The following CELF4 variants were observed in gnomAD, a reference collection of about 807,000 sequenced individuals.
CELF4 encodes the protein CUG-BP- and ETR-3-like factor 4.
Under a neutral mutation model 59.9 loss-of-function variants are expected in CELF4, and 18 were observed. The observed-to-expected ratio is 0.30, with a 90% confidence interval of 0.21 to 0.45. The LOEUF (loss-of-function observed/expected upper bound fraction) is 0.45. CELF4 is among the 20% of genes least tolerant of loss of function. The probability of loss-of-function intolerance (pLI) is 1.00; values close to 1 mark genes in which losing one functional copy is unlikely to be tolerated. For synonymous variants in CELF4, 261 were observed against 267.1 expected, an observed-to-expected ratio of 0.98 and a Z score of 0.22; for missense variants, 456 against 689.0, an observed-to-expected ratio of 0.66 and a Z score of 3.79.
intron 10 of CELF4, 60 bp downstream of exon 10, chr18:37,264,614 G>A: frequency 7.0e-7 from 1 of 1,425,710 alleles, no homozygotes; most frequent in Non-Finnish European, 9.7e-7. Flanking sequence ...GCCCAGGTGA[G>A]CAGCCTCTTT....
chr18:37,457,960 G>A (rs983050844), intron 2 of CELF4, among the ~76,000 whole-genome samples: 5 of 152,174 alleles, frequency 3.3e-5, no homozygotes, highest in African/African-American at 9.7e-5. Context: ...AGGATGTGAC[G>A]AGCTGATTCA....
At chr18:37,498,492 C>T (rs2099927746) in intron 1 of CELF4, among the ~76,000 whole-genome samples, 1 of 147,062 alleles carries the variant, frequency 6.8e-6, no homozygotes, top group Non-Finnish European at 1.5e-5. Context: ...TCTTTATGTC[C>T]TTTCCATTGC....
intron 2 of CELF4, among the ~76,000 whole-genome samples, chr18:37,475,486 A>G (rs2099846274): frequency 4.6e-5 from 7 of 152,178 alleles, no homozygotes; most frequent in Admixed American, 4.6e-4. Context: ...GGCTCAGGCA[A>G]GGGCGAGATC....
chr18:37,559,265 C>T (rs531584971), intron 1 of CELF4, among the ~76,000 whole-genome samples: 3 of 152,250 alleles, frequency 2.0e-5, no homozygotes, highest in African/African-American at 7.2e-5. Context: ...AACATCATCT[C>T]CATGCCACTT....
chr18:37,552,231 GT>G lies in CELF4; in HGVS notation c.286+13124del, dbSNP rs2099983433. Among the ~76,000 whole-genome samples, 3 of 152,318 alleles carry G rather than the reference GT, an allele frequency of 2.0e-5. No homozygotes were observed. In the South Asian group the frequency reaches 6.2e-4, roughly 32 times the overall value. On this transcript the variant is annotated intron_variant, in intron 1 of 12. Transcript: ENST00000420428. Reference sequence around the variant, plus strand: ...AGTTATCTTGTGGCAGTGAAAGCGGGTCCCCCACCTTGTCGGAACAGAGCCT... The same window carrying G: ...AGTTATCTTGTGGCAGTGAAAGCGGGCCCCCACCTTGTCGGAACAGAGCCT...
At chr18:37,448,308 T>A (rs1449692865) in intron 2 of CELF4, among the ~76,000 whole-genome samples, 1 of 152,234 alleles carries the variant, frequency 6.6e-6, no homozygotes, top group Admixed American at 6.5e-5. Context: ...GCCAGGGCCC[T>A]GGGTGCTGGC....
intron 1 of CELF4, among the ~76,000 whole-genome samples, chr18:37,552,245 CG>C (rs1269547731): frequency 1.3e-5 from 2 of 152,220 alleles, no homozygotes; most frequent in Non-Finnish European, 2.9e-5. Context: ...CCCACCTTGT[CG>C]GAACAGAGCC....
At chr18:37,395,365 C>G (rs1008905512) in intron 2 of CELF4, among the ~76,000 whole-genome samples, 9 of 152,162 alleles carry the variant, frequency 5.9e-5, no homozygotes, top group Non-Finnish European at 1.2e-4. Context: ...AGGCCAGACA[C>G]GTTCCCTCCT....
intron 1 of CELF4, among the ~76,000 whole-genome samples, chr18:37,504,720 A>C (rs1386263219): frequency 6.6e-6 from 1 of 152,186 alleles, no homozygotes; most frequent in Non-Finnish European, 1.5e-5. Flanking sequence ...GGTGCTTAGC[A>C]CTAAGCACAC....
At chr18:37,496,049 T>C (rs2099924917) in intron 1 of CELF4, among the ~76,000 whole-genome samples, 1 of 152,086 alleles carries the variant, frequency 6.6e-6, no homozygotes, top group Non-Finnish European at 1.5e-5. Context: ...GTGGGCCTTT[T>C]CTTATTCCCT....
intron 2 of CELF4, among the ~76,000 whole-genome samples, chr18:37,428,350 T>C (rs1255522316): frequency 6.6e-6 from 1 of 151,508 alleles, no homozygotes; most frequent in African/African-American, 2.4e-5. Flanking sequence ...CGGCTGACAT[T>C]TGGGTCATGA....
intron 2 of CELF4, among the ~76,000 whole-genome samples, chr18:37,417,429 G>A (rs2099538061): frequency 6.6e-6 from 1 of 152,152 alleles, no homozygotes; most frequent in African/African-American, 2.4e-5. Flanking sequence ...TTAACCTGTG[G>A]GCAAGTCTCC....
At chr18:37,533,726 C>T (rs2099971270) in intron 1 of CELF4, among the ~76,000 whole-genome samples, 1 of 152,116 alleles carries the variant, frequency 6.6e-6, no homozygotes, top group Non-Finnish European at 1.5e-5. Flanking sequence ...GAATGGAGGC[C>T]CACCTGTATA....
At chr18:37,416,063 G>T (rs1346547870) in intron 2 of CELF4, among the ~76,000 whole-genome samples, 1 of 152,184 alleles carries the variant, frequency 6.6e-6, no homozygotes, top group East Asian at 1.9e-4. Flanking sequence ...GTGGAAAGTG[G>T]AAGAGCGAGA....
At chr18:37,268,422 T>G (rs2078792133) in intron 8 of CELF4, among the ~76,000 whole-genome samples, 1 of 152,232 alleles carries the variant, frequency 6.6e-6, no homozygotes, top group Non-Finnish European at 1.5e-5. Context: ...TCTTTCCAGC[T>G]ATTCATCCAT....
chr18:37,454,378 C>G (rs2099772342), intron 2 of CELF4, among the ~76,000 whole-genome samples: 1 of 152,186 alleles, frequency 6.6e-6, no homozygotes, highest in Non-Finnish European at 1.5e-5. Context: ...TCAAATGACC[C>G]AAGTCAGACC....
intron 2 of CELF4, among the ~76,000 whole-genome samples, chr18:37,388,323 C>T (rs2099121200): frequency 6.6e-6 from 1 of 152,136 alleles, no homozygotes; most frequent in South Asian, 2.1e-4. Flanking sequence ...CACCTGTGGC[C>T]TCTGACTGCA....
rs539848024 is a variant in CELF4 at position 37,427,381 on chromosome 18, C to A, written c.369+58144G>T. On this transcript the variant is annotated intron_variant, in intron 2 of 12. Coordinates refer to ENST00000420428, the MANE Select transcript of CELF4 (RefSeq NM_020180.4). ...GGCAAAAACACCCAACTCGCCAAAC[C>A]CAGCTCTCCCCAGGGCTGCATGGGG... Among the ~76,000 whole-genome samples the A allele has an allele frequency of 2.6e-5, 4 of 152,284 alleles. No homozygotes were observed. The East Asian group carries it at 7.7e-4, about 29-fold the overall frequency.
chr18:37,485,890 C>G (rs2154603193), intron 1 of CELF4: 1 of 279,708 alleles, frequency 3.6e-6, no homozygotes, highest in East Asian at 5.6e-5. Context: ...ACGGTTCTCT[C>G]CTTACCCCGT....
Sources: allele counts gnomAD v4.1 joint callset (sites outside exome capture counted in the v4.1 genomes callset), GRCh38; gene constraint gnomAD v4.1.1; transcripts MANE v1.5; gene names NCBI Gene and HGNC (gene_info 2026-07-23, HGNC 2026-07-21).